The following EPHA3 variants were observed in gnomAD, a reference collection of about 807,000 sequenced individuals.
EPHA3 encodes EPH receptor A3.
In EPHA3, 42 loss-of-function variants were observed where a neutral mutation model predicts 107.1. That is an observed-to-expected ratio of 0.39 (90% CI 0.31 to 0.51). The LOEUF (loss-of-function observed/expected upper bound fraction) is 0.51, where lower values mean the gene tolerates loss of function less well. EPHA3 is among the 20% of genes least tolerant of loss of function. The probability of loss-of-function intolerance (pLI) is 0.78; values close to 1 mark genes in which losing one functional copy is unlikely to be tolerated. For synonymous variants in EPHA3, 461 were observed against 424.8 expected, an observed-to-expected ratio of 1.09 and a Z score of -1.05; for missense variants, 1,183 against 1,211.2, an observed-to-expected ratio of 0.98 and a Z score of 0.35.
At chr3:89,387,744 T>A (rs77617643) in intron 5 of EPHA3, among the ~76,000 whole-genome samples, 2,431 of 152,176 alleles carry the variant, frequency 0.016, 68 homozygotes, top group African/African-American at 0.055. Context: ...TAAAATGAAA[T>A]ATAAGATTTC....
chr3:89,399,702 T>C, intron 7 of EPHA3: 1 of 1,246,290 alleles, frequency 8.0e-7, no homozygotes, highest in Non-Finnish European at 1.0e-6. Context: ...AAATCAAACA[T>C]ATTCTAATGC....
At position 89,480,790 on chromosome 3, in the gene EPHA3, C is replaced by G. The variant is rs942481852; in HGVS notation, c.*1288C>G. 3 of 232,364 alleles carry G rather than the reference C, an allele frequency of 1.3e-5. No homozygotes were observed. The highest frequency in any genetic ancestry group is 6.6e-5 in the African/African-American group (3 of 45,294). 14.4% of individuals were successfully genotyped at this position (232,364 alleles called of 1,614,324 possible). On this transcript the variant is annotated 3_prime_UTR_variant, in exon 17 of 17. Coordinates refer to ENST00000336596, the MANE Select transcript of EPHA3 (RefSeq NM_005233.6). ...GATCATTAGTACCAGGTATTATTAT[C>G]TTTAAGAGTCTTCCACTTCAATGCA...
At chr3:89,126,180 T>C (rs1201928785) in intron 1 of EPHA3, among the ~76,000 whole-genome samples, 2 of 151,754 alleles carry the variant, frequency 1.3e-5, no homozygotes, top group Non-Finnish European at 3.0e-5. Flanking sequence ...TTATTGATTT[T>C]CATGGTCTGG....
At chr3:89,242,271 C>T (rs1218648594) in intron 3 of EPHA3, among the ~76,000 whole-genome samples, 1 of 152,160 alleles carries the variant, frequency 6.6e-6, no homozygotes, top group Non-Finnish European at 1.5e-5. Flanking sequence ...AGACCATTTC[C>T]ATTAAAAATA....
chr3:89,348,599 TTG>T (rs1342166119), intron 5 of EPHA3, among the ~76,000 whole-genome samples: 1 of 140,898 alleles, frequency 7.1e-6, no homozygotes, highest in East Asian at 2.0e-4. Flanking sequence ...GAATGGTTTT[TTG>T]TGTCTCTATT....
chr3:89,393,798 C>T lies in EPHA3; in HGVS notation c.1307-2039C>T, dbSNP rs62275020. Reference sequence around the variant, plus strand: ...AAAAATAAATTTTTTTTTAAAAAATCCACATATCCATTTATTTATAATTCA... The same window carrying T: ...AAAAATAAATTTTTTTTTAAAAAATTCACATATCCATTTATTTATAATTCA... On this transcript the variant is annotated intron_variant, in intron 5 of 16. Transcript: ENST00000336596. Among the ~76,000 whole-genome samples the T allele has an allele frequency of 5.4e-3, 815 of 151,774 alleles. 7 individuals are homozygous for T. Among genetic ancestry groups the T allele is most frequent in the Non-Finnish European group, 6.2e-3 (424 of 67,988 alleles).
intron 2 of EPHA3, among the ~76,000 whole-genome samples, chr3:89,169,201 C>A (rs1004195335): frequency 9.2e-5 from 14 of 151,976 alleles, no homozygotes; most frequent in Non-Finnish European, 1.8e-4. Context: ...TCACAGACAA[C>A]CTTTGGCATC....
chr3:89,449,621 A>T (rs1709947838), intron 14 of EPHA3, among the ~76,000 whole-genome samples: 1 of 152,334 alleles, frequency 6.6e-6, no homozygotes, highest in East Asian at 1.9e-4. Context: ...TGAAAACGTA[A>T]TGAAAAAAGT....
intron 2 of EPHA3, among the ~76,000 whole-genome samples, chr3:89,208,649 GA>G (rs1458648880): frequency 6.6e-6 from 1 of 151,834 alleles, no homozygotes; most frequent in Admixed American, 6.6e-5. Context: ...AGTTCCACAA[GA>G]AAAGAATAAA....
intron 3 of EPHA3, among the ~76,000 whole-genome samples, chr3:89,261,500 GTC>G (rs1352935675): frequency 6.6e-6 from 1 of 152,024 alleles, no homozygotes; most frequent in African/African-American, 2.4e-5. Context: ...TGTGTGCATT[GTC>G]TCTTTTCCAA....
intron 4 of EPHA3, 89 bp downstream of exon 4, chr3:89,341,160 G>A (rs746590905): frequency 8.7e-6 from 12 of 1,377,724 alleles, no homozygotes; most frequent in Non-Finnish European, 1.2e-5. Flanking sequence ...AAAGCATTTG[G>A]CCCATTTCCT....
chr3:89,131,048 G>A (rs550169568), intron 2 of EPHA3, among the ~76,000 whole-genome samples: 1 of 152,254 alleles, frequency 6.6e-6, no homozygotes, highest in Admixed American at 6.5e-5. Flanking sequence ...ATATCTGGGA[G>A]TAAATTTAAT....
chr3:89,370,426 ATG>A (rs1708276014), intron 5 of EPHA3, among the ~76,000 whole-genome samples: 1 of 151,086 alleles, frequency 6.6e-6, no homozygotes, highest in South Asian at 2.1e-4. Flanking sequence ...CAAACACCGC[ATG>A]TTCTCACTCA....
chr3:89,396,653 A>T (rs1708857164), intron 6 of EPHA3, among the ~76,000 whole-genome samples: 1 of 152,194 alleles, frequency 6.6e-6, no homozygotes, highest in African/African-American at 2.4e-5. Flanking sequence ...TGTAAATGAT[A>T]GTAAAGTTTA....
At chr3:89,347,385 G>C (rs1177166082) in intron 5 of EPHA3, among the ~76,000 whole-genome samples, 1 of 149,480 alleles carries the variant, frequency 6.7e-6, no homozygotes, top group African/African-American at 2.4e-5. Flanking sequence ...AAGCAATTGT[G>C]AATGGGAGTT....
At chr3:89,365,531 G>A (rs563173234) in intron 5 of EPHA3, among the ~76,000 whole-genome samples, 19 of 150,842 alleles carry the variant, frequency 1.3e-4, no homozygotes, top group Non-Finnish European at 2.5e-4. Context: ...TTGACTGTCT[G>A]TGCAGCAAGG....
At chr3:89,169,838 T>G (rs1442455945) in intron 2 of EPHA3, among the ~76,000 whole-genome samples, 1 of 152,230 alleles carries the variant, frequency 6.6e-6, no homozygotes, top group African/African-American at 2.4e-5. Context: ...TATTTTCTGA[T>G]AGTAGAAATT....
Position 89,201,061 on chromosome 3 carries a change from A to G in EPHA3, c.154-8799A>G, listed in dbSNP as rs918281292. Among the ~76,000 whole-genome samples, 4 of 152,210 alleles carry G rather than the reference A, an allele frequency of 2.6e-5. No homozygotes were observed. In the South Asian group the frequency reaches 6.2e-4, roughly 24 times the overall value. ...GTGATTTAAAAAGAAAAGAAGTTTA[A>G]TTGGCTCATAGTTCTGCAAGCTGTA... On this transcript the variant is annotated intron_variant, in intron 2 of 16. Coordinates refer to ENST00000336596, the MANE Select transcript of EPHA3 (RefSeq NM_005233.6).
intron 3 of EPHA3, among the ~76,000 whole-genome samples, chr3:89,226,246 T>C (rs1174025933): frequency 6.6e-6 from 1 of 152,078 alleles, no homozygotes; most frequent in East Asian, 1.9e-4. Flanking sequence ...CACATATAAA[T>C]TGGAGCTAAC....
Sources: gnomAD v4.1 joint callset for allele counts (sites outside exome capture counted in the v4.1 genomes callset) on GRCh38, gnomAD v4.1.1 for gene constraint, MANE v1.5 for transcripts, NCBI Gene and HGNC (gene_info 2026-07-23, HGNC 2026-07-21) for gene names.